Variants in CMTM4 observed in about 807,000 individuals in gnomAD.
The protein encoded by CMTM4 is CKLF-like MARVEL transmembrane domain-containing protein 4.
A neutral mutation model predicts 19.0 loss-of-function variants in CMTM4; 8 were observed. The observed-to-expected ratio is 0.42, with a 90% CI of 0.25 to 0.76. The LOEUF is 0.76. Among genes scored for constraint, CMTM4 ranks in the 30% least tolerant of loss-of-function variants. The pLI is 0.27. For missense variants in CMTM4, 228 were observed against 290.2 expected (o/e 0.79, Z 1.56); for synonymous variants, 106 against 121.1 (o/e 0.88, Z 0.82).
the CMTM4 span, chr16:66,605,012 G>T: frequency 7.3e-7 from 1 of 1,366,052 alleles, no homozygotes; most frequent in East Asian, 3.1e-5. The surrounding 1 kb of genome is among the most constrained non-coding windows in gnomAD (Gnocchi z 4.6). Flanking sequence ...TTCGGAGGAG[G>T]ACGTCGGGGC....
downstream of CMTM4, chr16:66,613,230 A>T (rs2015451180): frequency 8.8e-6 from 6 of 679,828 alleles, no homozygotes; most frequent in South Asian, 9.3e-5. Flanking sequence ...CTCGGCACCC[A>T]TAACTAACAC....
chr16:66,683,147 G>GTATA (rs1336410232), intron 1 of CMTM4, among the ~76,000 whole-genome samples: 1 of 96,422 alleles, frequency 1.0e-5, no homozygotes, highest in Non-Finnish European at 2.1e-5. Flanking sequence ...ATATATATAT[G>GTATA]TATATATATA....
rs1312155245 is a variant in CMTM4, at chr16:66,615,970, A to C, written c.*6088T>G. 1 of 152,244 alleles carries C rather than the reference A, an allele frequency of 6.6e-6. No individual in the cohort carries two copies. Among genetic ancestry groups the C allele is most frequent in the African/African-American group, 2.4e-5 (1 of 41,464 alleles). The allele number at this position is 152,244 out of a possible 1,614,324, so 9.4% of individuals were successfully genotyped here. A position where few individuals can be genotyped will look rare whatever the true frequency, so the allele number is the denominator to read the frequency against. On this transcript the variant is annotated 3_prime_UTR_variant, in exon 4 of 4. Transcript: ENST00000394106. This position sits in a 1 kb window ranked among gnomAD's most constrained non-coding sequence, Gnocchi z 4.9. ...TTACTCTCAGACTATTTAAATAAGC[A>C]GGAACAAGATGCAGGAGAAGCAGCA...
intron 2 of CMTM4, among the ~76,000 whole-genome samples, chr16:66,630,253 T>C (rs2015822809): frequency 1.3e-5 from 2 of 150,368 alleles, no homozygotes; most frequent in Admixed American, 6.6e-5. Context: ...AAAATGTATT[T>C]GGTGTCAGAA....
chr16:66,689,687 A>G (rs2017101352), intron 1 of CMTM4, among the ~76,000 whole-genome samples: 1 of 152,224 alleles, frequency 6.6e-6, no homozygotes, highest in African/African-American at 2.4e-5. Flanking sequence ...GACTACAGAC[A>G]TAAGCCACTG....
chr16:66,630,327 C>T (rs2015827612), intron 2 of CMTM4, among the ~76,000 whole-genome samples: 1 of 107,202 alleles, frequency 9.3e-6, no homozygotes, highest in African/African-American at 3.5e-5. Flanking sequence ...CCTCCCCCCT[C>T]CCTCTCCCTC....
intron 1 of CMTM4, among the ~76,000 whole-genome samples, chr16:66,694,476 G>C (rs1352576911): frequency 1.3e-5 from 2 of 151,794 alleles, no homozygotes; most frequent in Non-Finnish European, 2.9e-5. Context: ...TTGGGAGGCC[G>C]AGGTGGGCGG....
intron 1 of CMTM4, among the ~76,000 whole-genome samples, chr16:66,666,561 CAA>C (rs2016598218): frequency 1.3e-5 from 2 of 152,284 alleles, no homozygotes; most frequent in African/African-American, 4.8e-5. Flanking sequence ...AAAGAATTCT[CAA>C]AATTCAATAG....
chr16:66,609,784 T>A, downstream of CMTM4: 1 of 1,611,880 alleles, frequency 6.2e-7, no homozygotes, highest in Non-Finnish European at 8.5e-7. This position sits in a 1 kb window ranked among gnomAD's most constrained non-coding sequence, Gnocchi z 4.4. Flanking sequence ...ACTCGGGCTG[T>A]TTGTCCAAGC....
chr16:66,647,380 C>A (rs1308510875), intron 1 of CMTM4, among the ~76,000 whole-genome samples: 1 of 151,026 alleles, frequency 6.6e-6, no homozygotes. Flanking sequence ...ACAATTATAG[C>A]CTGTTTTCAC....
chr16:66,621,916 G>C lies in CMTM4; in HGVS notation c.*142C>G. The C allele has an allele frequency of 1.4e-6, 2 of 1,441,234 alleles. No individual in the cohort carries two copies. The highest frequency in any genetic ancestry group is 1.8e-6 in the Non-Finnish European group (2 of 1,098,280). The allele number at this position is 1,441,234 out of a possible 1,614,324, so 89.3% of individuals were successfully genotyped here. On this transcript the variant is annotated 3_prime_UTR_variant, in exon 4 of 4. Transcript: ENST00000394106. ...CGCGGACCCGCCCACTGGGCCACTC[G>C]GGAAACCCTTTCCCAAAATGAACTT... is the stretch of plus-strand genomic sequence containing the variant.
the CMTM4 span, chr16:66,608,493 G>A: frequency 1.2e-6 from 2 of 1,610,862 alleles, no homozygotes; most frequent in South Asian, 1.1e-5. This position sits in a 1 kb window ranked among gnomAD's most constrained non-coding sequence, Gnocchi z 5.1. Context: ...GGAGGGAGGG[G>A]TGCCCTGCAC....
chr16:66,610,190 C>T (rs969530792), downstream of CMTM4: 4 of 702,200 alleles, frequency 5.7e-6, no homozygotes, highest in African/African-American at 1.8e-5. The surrounding 1 kb of genome is among the most constrained non-coding windows in gnomAD (Gnocchi z 4.6). Flanking sequence ...TCGCCTCGTG[C>T]ACCCTCACCC....
rs144239691 is a variant in CMTM4 at position 66,652,744 on chromosome 16, C to T, written c.187-16163G>A. Among the ~76,000 whole-genome samples the T allele has an allele frequency of 1.7e-4, 26 of 152,214 alleles. No homozygotes were observed. In the East Asian group the frequency reaches 4.2e-3, roughly 25 times the overall value. ...ACAAACAGGGTTATCCAATAAAGTGCGAAACATTTTCTTATTTTTAAAAGA... is the reference window on the plus strand; with the variant it reads ...ACAAACAGGGTTATCCAATAAAGTGTGAAACATTTTCTTATTTTTAAAAGA... On this transcript the variant is annotated intron_variant, in intron 1 of 3. Transcript: ENST00000394106.
chr16:66,683,180 T>TATAC lies in CMTM4; in HGVS notation c.186+13159_186+13160insGTAT, dbSNP rs1491498902. ...ATATACGTATATATATATATACATA[T>TATAC]GTATATATATATACATATATATATA... On this transcript the variant is annotated intron_variant, in intron 1 of 3. Transcript: ENST00000394106. 2.2e-3 allele frequency among the ~76,000 whole-genome samples: 189 copies of TATAC among 85,618 alleles called. 3 individuals carry two copies. In the East Asian group the frequency reaches 0.041, roughly 18 times the overall value. 56.2% of individuals were successfully genotyped at this position (85,618 alleles called of 152,430 possible). A position where few individuals can be genotyped will look rare whatever the true frequency, so the allele number is the denominator to read the frequency against.
chr16:66,677,860 C>T (rs565809207), intron 1 of CMTM4, among the ~76,000 whole-genome samples: 3 of 152,288 alleles, frequency 2.0e-5, no homozygotes, highest in Middle Eastern at 3.4e-3. Context: ...TGCCATGATG[C>T]TCTGCTAAGT....
At chr16:66,641,207 G>A (rs551023084) in intron 1 of CMTM4, among the ~76,000 whole-genome samples, 3 of 152,206 alleles carry the variant, frequency 2.0e-5, no homozygotes, top group South Asian at 2.1e-4. Flanking sequence ...ACCATGCCCA[G>A]ATAATTCTTT....
chr16:66,672,434 A>T (rs990364438), intron 1 of CMTM4, among the ~76,000 whole-genome samples: 15 of 149,720 alleles, frequency 1.0e-4, no homozygotes, highest in South Asian at 4.2e-4. Context: ...AAAAAAAAAA[A>T]CCTAATGACC....
rs2015604746 is a variant in CMTM4 at position 66,620,196 on chromosome 16, G to A, written c.*1862C>T. ...AGTGGGCCCCATTTAATGCAAGGCTGAGCCTTTGTGGCCCTATTTTAAAAG... is the reference window on the plus strand; with the variant it reads ...AGTGGGCCCCATTTAATGCAAGGCTAAGCCTTTGTGGCCCTATTTTAAAAG... On this transcript the variant is annotated 3_prime_UTR_variant, in exon 4 of 4. Coordinates refer to ENST00000394106, the MANE Select transcript of CMTM4 (RefSeq NM_181521.3). The A allele has an allele frequency of 4.1e-6, 4 of 985,442 alleles. No homozygotes were observed. Among genetic ancestry groups the A allele is most frequent in the South Asian group, 4.7e-5 (1 of 21,294 alleles). The allele number at this position is 985,442 out of a possible 1,614,324, so 61.0% of individuals were successfully genotyped here. A position where few individuals can be genotyped will look rare whatever the true frequency, so the allele number is the denominator to read the frequency against.
Sources: gnomAD v4.1 joint callset for allele counts (sites outside exome capture counted in the v4.1 genomes callset) on GRCh38, gnomAD v4.1.1 for gene constraint, Gnocchi (gnomAD v3.1) non-coding constraint, MANE v1.5 for transcripts, NCBI Gene and HGNC (gene_info 2026-07-23, HGNC 2026-07-21) for gene names.